The following AFDN variants were observed in gnomAD, a reference collection of about 807,000 sequenced individuals.
AFDN encodes the protein afadin, adherens junction formation factor, also known as afadin.
In AFDN, 68 loss-of-function variants were observed where a neutral mutation model predicts 216.6. That is an observed-to-expected ratio of 0.31 (90% CI 0.26 to 0.38). The LOEUF (loss-of-function observed/expected upper bound fraction) is 0.38. Among genes scored for constraint, AFDN ranks in the 10% least tolerant of loss-of-function variants. The pLI is 1.00. For missense variants in AFDN, 2,136 were observed against 2,342.0 expected (o/e 0.91, Z 1.82); for synonymous variants, 868 against 853.7 (o/e 1.02, Z -0.29).
chr6:167,878,263 A>C (rs1785639283), intron 5 of AFDN, among the ~76,000 whole-genome samples: 1 of 152,160 alleles, frequency 6.6e-6, no homozygotes, highest in Non-Finnish European at 1.5e-5. Flanking sequence ...TCATCTTCAA[A>C]ACGGGGCACT....
chr6:167,832,572 A>C (rs760344126), intron 1 of AFDN, among the ~76,000 whole-genome samples: 2 of 152,254 alleles, frequency 1.3e-5, no homozygotes, highest in African/African-American at 2.4e-5. Flanking sequence ...GAATGTGCTT[A>C]ATAAAGTGAG....
chr6:167,934,327 G>A (rs555965522), intron 23 of AFDN, among the ~76,000 whole-genome samples: 4 of 152,210 alleles, frequency 2.6e-5, no homozygotes, highest in African/African-American at 9.6e-5. Flanking sequence ...AAACCTGCTG[G>A]GGGTAACTTA....
chr6:167,889,970 A>G (rs1347901386), intron 7 of AFDN, among the ~76,000 whole-genome samples: 5 of 152,254 alleles, frequency 3.3e-5, no homozygotes, highest in Non-Finnish European at 7.3e-5. Flanking sequence ...AGTCATTTCA[A>G]ATAATGAATT....
intron 1 of AFDN, among the ~76,000 whole-genome samples, chr6:167,854,867 A>C (rs755001255): frequency 8.2e-4 from 125 of 151,718 alleles, no homozygotes; most frequent in Admixed American, 1.6e-3. Flanking sequence ...ATAGGAAATA[A>C]AATCTTTTAA....
chr6:167,962,811 T>C lies in AFDN; in HGVS notation c.4968+244T>C, dbSNP rs1583068778. On this transcript the variant is annotated intron_variant, in intron 31 of 33. Coordinates refer to ENST00000683244, the MANE Select transcript of AFDN (RefSeq NM_001386888.1). This position sits in a 1 kb window ranked among gnomAD's most constrained non-coding sequence, Gnocchi z 5.2. ...TTGTCTCCTTCAAACTTCTGAACTC[T>C]TGGGCGTGTGTAGCAGTGAGCCTCT... 7.4e-7 allele frequency: 1 copy of C among 1,354,968 alleles called. No individual in the cohort carries two copies. 83.9% of individuals were successfully genotyped at this position (1,354,968 alleles called of 1,614,324 possible).
chr6:167,915,523 C>G (rs969630056), intron 19 of AFDN, 90 bp downstream of exon 19: 2 of 1,424,918 alleles, frequency 1.4e-6, no homozygotes, highest in African/African-American at 1.4e-5. Context: ...GCAGCAAAAC[C>G]TCAATACCCT....
intron 32 of AFDN, chr6:167,966,424 C>T: frequency 1.7e-6 from 1 of 571,482 alleles, no homozygotes; most frequent in Non-Finnish European, 2.7e-6. Flanking sequence ...CATGGTGATC[C>T]TCCTCTGCCT....
intron 26 of AFDN, among the ~76,000 whole-genome samples, chr6:167,946,330 G>A (rs898647706): frequency 3.9e-5 from 6 of 152,290 alleles, no homozygotes; most frequent in East Asian, 1.9e-4. Context: ...GTCACATGAC[G>A]GCTGCTCAGA....
Position 167,951,818 on chromosome 6 carries a change from G to A in AFDN, c.4464G>A (p.Leu1488=). 6.2e-7 allele frequency: 1 copy of A among 1,614,166 alleles called. No individual in the cohort carries two copies. The highest frequency in any genetic ancestry group is 8.5e-7 in the Non-Finnish European group (1 of 1,180,034). The change falls in exon 30 of 34, where the codon CTG becomes CTA. Residue 1488 remains leucine, a synonymous_variant. Coordinates refer to ENST00000683244, the MANE Select transcript of AFDN (RefSeq NM_001386888.1). The surrounding 1 kb of genome is among the most constrained non-coding windows in gnomAD (Gnocchi z 7.1). The stretch of plus-strand genomic sequence containing the variant: ...CACAGGAAACAGTCATTCGGGAGCT[G>A]CAGCCTCAGCAGCAGCCCCGCACGA... The part of the protein sequence containing the change: ...QRPQETVIRE[L]QPQQQPRTIE...
chr6:167,952,098 C>A lies in AFDN; in HGVS notation c.4744C>A (p.Gln1582Lys). 2 of 1,614,032 alleles carry A rather than the reference C, an allele frequency of 1.2e-6. No homozygotes were observed. The highest frequency in any genetic ancestry group is 1.7e-6 in the Non-Finnish European group (2 of 1,180,016). The change falls in exon 30 of 34, where the codon CAG becomes AAG. Residue 1582 changes from glutamine (Q) to lysine (K), a missense_variant. Gln to Lys is a moderately conservative substitution (Grantham distance 53). This residue lies in a region of AFDN where 981 missense variants were observed against 966.0 expected (regional missense o/e 1.02). Transcript: ENST00000683244. The part of the protein sequence containing the change: ...QFQKRLQESK[Q>K]KDEDDEEEED... ...CCAGAAGAGACTCCAGGAGTCGAAG[C>A]AGAAGGACGAAGATGACGAGGAGGA...
intron 32 of AFDN, among the ~76,000 whole-genome samples, chr6:167,967,623 G>C (rs1405519459): frequency 6.6e-6 from 1 of 152,076 alleles, no homozygotes; most frequent in Non-Finnish European, 1.5e-5. Flanking sequence ...GTATTATAAT[G>C]AGGTGTCACT....
intron 1 of AFDN, among the ~76,000 whole-genome samples, chr6:167,830,545 G>C (rs1250155238): frequency 1.3e-5 from 2 of 152,038 alleles, no homozygotes; most frequent in Non-Finnish European, 2.9e-5. Context: ...TCTTAGTTTT[G>C]CAAGAAGCTT....
At chr6:167,844,018 A>T (rs973503375) in intron 1 of AFDN, among the ~76,000 whole-genome samples, 3 of 152,194 alleles carry the variant, frequency 2.0e-5, no homozygotes, top group African/African-American at 7.2e-5. Context: ...ATTAAGATTT[A>T]TGTGGATAAA....
chr6:167,841,666 C>T (rs903387226), intron 1 of AFDN, among the ~76,000 whole-genome samples: 1 of 152,126 alleles, frequency 6.6e-6, no homozygotes, highest in African/African-American at 2.4e-5. Flanking sequence ...TAAATGCCCC[C>T]CTTCCTAGCA....
intron 32 of AFDN, 181 bp from the exon 33 acceptor site, chr6:167,968,933 C>G: frequency 3.4e-6 from 2 of 580,332 alleles, no homozygotes; most frequent in Middle Eastern, 4.6e-4. Context: ...TTGGATTACT[C>G]AGGCCACCAA....
chr6:167,849,315 G>A lies in AFDN; in HGVS notation c.106-15236G>A, dbSNP rs762169070. On this transcript the variant is annotated intron_variant, in intron 1 of 33. Transcript: ENST00000683244. ...CTTTGTATCATGTAATGTAACTTGT[G>A]GGGGGGGAGAGATTTCCAGCAACAT... is the stretch of plus-strand genomic sequence containing the variant. 8.6e-5 allele frequency among the ~76,000 whole-genome samples: 13 copies of A among 151,238 alleles called. 1 individual carries two copies. Among genetic ancestry groups the A allele is most frequent in the Non-Finnish European group, 1.3e-4 (9 of 67,816 alleles).
At chr6:167,834,374 CA>C (rs1298140112) in intron 1 of AFDN, among the ~76,000 whole-genome samples, 21 of 150,662 alleles carry the variant, frequency 1.4e-4, no homozygotes, top group Admixed American at 1.4e-3. Flanking sequence ...TGAGTTACTT[CA>C]CTTAGAATAT....
intron 30 of AFDN, among the ~76,000 whole-genome samples, chr6:167,954,162 G>GT (rs1364797194): frequency 1.3e-5 from 2 of 152,214 alleles, no homozygotes; most frequent in African/African-American, 4.8e-5. Context: ...TTTTTGCTTA[G>GT]TAGTTCTGTT....
intron 6 of AFDN, among the ~76,000 whole-genome samples, chr6:167,881,490 A>G (rs1246333239): frequency 6.6e-6 from 1 of 152,212 alleles, no homozygotes; most frequent in African/African-American, 2.4e-5. Flanking sequence ...GACCAGAGAA[A>G]TCTTGCTGGG....
Sources: allele counts gnomAD v4.1 joint callset (sites outside exome capture counted in the v4.1 genomes callset), GRCh38; gene constraint gnomAD v4.1.1; regional missense constraint gnomAD v4.1.1; non-coding constraint Gnocchi (gnomAD v3.1); transcripts MANE v1.5; gene names NCBI Gene and HGNC (gene_info 2026-07-23, HGNC 2026-07-21).